Variants in DYSF observed in about 807,000 individuals in gnomAD.
The protein encoded by DYSF is dysferlin.
A neutral mutation model predicts 274.9 loss-of-function variants in DYSF; 212 were observed. The observed-to-expected ratio is 0.77, with a 90% CI of 0.69 to 0.86. The LOEUF is 0.86. Among genes scored for constraint, DYSF ranks in the 40% least tolerant of loss-of-function variants. The probability of loss-of-function intolerance (pLI) is 0.00; values close to 1 mark genes in which losing one functional copy is unlikely to be tolerated. For synonymous variants in DYSF, 1,091 were observed against 1,078.7 expected, an observed-to-expected ratio of 1.01 and a Z score of -0.22; for missense variants, 2,666 against 2,783.2, an observed-to-expected ratio of 0.96 and a Z score of 0.95.
chr2:71,642,303 C>T (rs868362400), intron 41 of DYSF, among the ~76,000 whole-genome samples: 1 of 152,258 alleles, frequency 6.6e-6, no homozygotes. Context: ...CCAGTATGTG[C>T]AGTTGTGTGT....
rs146153109 is a variant in DYSF at position 71,568,028 on chromosome 2, T to G, written c.2643T>G (p.Asp881Glu). The change falls in exon 25 of 56, where the codon GAT (aspartate) becomes GAG (glutamate). Residue 881 changes from aspartate (D) to glutamate (E), a missense_variant. Transcript: ENST00000410020. ...RVKLWFGLSV[D>E]EKEFNQFAEG... The stretch of plus-strand genomic sequence containing the variant: ...AGCTGTGGTTTGGGCTCTCAGTGGA[T>G]GAGAAGGAGTTCAACCAGTTTGCTG... The G allele has an allele frequency of 3.7e-6, 6 of 1,614,134 alleles. No individual in the cohort carries two copies. In the African/African-American group the frequency reaches 8.0e-5, roughly 22 times the overall value.
chr2:71,626,361 C>T (rs907620696), intron 41 of DYSF, among the ~76,000 whole-genome samples: 9 of 150,990 alleles, frequency 6.0e-5, no homozygotes, highest in African/African-American at 1.9e-4. Flanking sequence ...AAGTATCCAT[C>T]GAAGTGATCA....
At chr2:71,662,190 G>C (rs2094892864) in intron 45 of DYSF, among the ~76,000 whole-genome samples, 1 of 152,234 alleles carries the variant, frequency 6.6e-6, no homozygotes, top group African/African-American at 2.4e-5. Flanking sequence ...CCATGTGTCA[G>C]ACGAACACAA....
At chr2:71,680,836 T>C (rs1346823771) in intron 53 of DYSF, among the ~76,000 whole-genome samples, 165 bp from the exon 54 acceptor site, 1 of 152,202 alleles carries the variant, frequency 6.6e-6, no homozygotes, top group East Asian at 1.9e-4. Context: ...ATTTCTGAAG[T>C]TTCCAAATGT....
chr2:71,516,861 G>C (rs2086709533), intron 9 of DYSF, 128 bp from the exon 10 acceptor site: 2 of 886,836 alleles, frequency 2.3e-6, no homozygotes, highest in Non-Finnish European at 3.8e-6. Context: ...ACACTGCTTA[G>C]AACAGTCTCT....
chr2:71,614,550 A>C (rs1035384035), intron 40 of DYSF, among the ~76,000 whole-genome samples: 3 of 151,848 alleles, frequency 2.0e-5, no homozygotes, highest in African/African-American at 7.3e-5. Flanking sequence ...TCTTTGGGGG[A>C]GTCTTTCCTG....
intron 4 of DYSF, among the ~76,000 whole-genome samples, chr2:71,510,580 C>T (rs2085988616): frequency 6.6e-6 from 1 of 152,180 alleles, no homozygotes; most frequent in South Asian, 2.1e-4. Flanking sequence ...CTTAGTGTGG[C>T]TGTCCCCAGG....
Position 71,644,809 on chromosome 2 carries a change from G to A in DYSF, c.4626+746G>A, listed in dbSNP as rs574650803. ...AGGGTTGCCAGTTAAAATTCAGGAT[G>A]CCCAGTCACATTTGAATTTCAGATG... On this transcript the variant is annotated intron_variant, in intron 42 of 55. Coordinates refer to ENST00000410020, the MANE Select transcript of DYSF (RefSeq NM_001130987.2). 2.1e-3 allele frequency among the ~76,000 whole-genome samples: 320 copies of A among 152,320 alleles called. 1 individual carries two copies. The highest frequency in any genetic ancestry group is 2.2e-3 in the Admixed American group (34 of 15,310).
chr2:71,636,883 G>T (rs1024369849), intron 41 of DYSF, among the ~76,000 whole-genome samples: 5 of 152,126 alleles, frequency 3.3e-5, no homozygotes, highest in Non-Finnish European at 7.4e-5. Context: ...GGACAGCACT[G>T]TGGTGCTCTG....
chr2:71,675,018 C>A (rs1237660660), intron 52 of DYSF, among the ~76,000 whole-genome samples: 1 of 152,120 alleles, frequency 6.6e-6, no homozygotes. Context: ...TGTAGGTGAA[C>A]CTGAAAACAT....
intron 14 of DYSF, 91 bp downstream of exon 14, chr2:71,528,492 T>A: frequency 4.6e-6 from 5 of 1,079,256 alleles, no homozygotes; most frequent in Non-Finnish European, 7.0e-6. Context: ...CAGAGTGAGA[T>A]GCCCCCACCA....
intron 21 of DYSF, among the ~76,000 whole-genome samples, 200 bp from the exon 22 acceptor site, chr2:71,555,765 G>C (rs2091291719): frequency 6.6e-6 from 1 of 152,208 alleles, no homozygotes; most frequent in Non-Finnish European, 1.5e-5. Context: ...CATGAGACTG[G>C]ATGTATTTGG....
At chr2:71,619,232 T>C (rs922050699) in intron 40 of DYSF, among the ~76,000 whole-genome samples, 15 of 152,106 alleles carry the variant, frequency 9.9e-5, no homozygotes, top group Admixed American at 2.0e-4. Context: ...GGCCCGTCTC[T>C]GGCCAGCTAG....
intron 42 of DYSF, among the ~76,000 whole-genome samples, chr2:71,653,361 G>A (rs1233580368): frequency 2.6e-5 from 4 of 151,964 alleles, no homozygotes; most frequent in Non-Finnish European, 4.4e-5. Context: ...ACATGCACAC[G>A]TATGTTTATT....
Position 71,669,161 on chromosome 2 carries a change from G to A in DYSF, c.5596G>A (p.Asp1866Asn), listed in dbSNP as rs371397113. The A allele has an allele frequency of 1.2e-6, 2 of 1,610,644 alleles. No homozygotes were observed. Among genetic ancestry groups the A allele is most frequent in the African/African-American group, 2.7e-5 (2 of 74,910 alleles). Reference protein sequence around the residue: ...IWNTRDVILDDLSLTGEKMSD... With the variant: ...IWNTRDVILDNLSLTGEKMSD... ...GAATACCAGAGATGTGATCCTGGAT[G>A]ACCTGAGCCTCACGGGGGAGAAGAT... Residue 1866 changes from aspartate (D) to asparagine (N), a missense_variant, in exon 50 of 56, where the codon GAC becomes AAC. By Grantham distance (23) the Asp-to-Asn change is conservative (BLOSUM62 1). Around this residue, in one of 3 missense-constraint regions of DYSF, gnomAD observed 1,460 missense variants for 1,502.1 expected, o/e 0.97. Coordinates refer to ENST00000410020, the MANE Select transcript of DYSF (RefSeq NM_001130987.2).
chr2:71,454,639 C>T (rs980408262), intron 1 of DYSF, among the ~76,000 whole-genome samples: 1 of 152,188 alleles, frequency 6.6e-6, no homozygotes, highest in African/African-American at 2.4e-5. Flanking sequence ...GCACAGCTGT[C>T]ACAGCACCAA....
At position 71,535,437 on chromosome 2, in the gene DYSF, C is replaced by T. The variant is rs1573812263; in HGVS notation, c.1493+126C>T. 4.3e-5 allele frequency: 44 copies of T among 1,029,308 alleles called. No homozygotes were observed. The South Asian group carries it at 4.9e-4, about 12-fold the overall frequency. The allele number at this position is 1,029,308 out of a possible 1,614,324, so 63.8% of individuals were successfully genotyped here. On this transcript the variant is annotated intron_variant, in intron 16 of 55. Coordinates refer to ENST00000410020, the MANE Select transcript of DYSF (RefSeq NM_001130987.2). Reference sequence around the variant, plus strand: ...GAGAAGTTTCAGGTGAGGTAATGTCCCCTTGGGGTAGCCAGGGATGGAGAG... The same window carrying T: ...GAGAAGTTTCAGGTGAGGTAATGTCTCCTTGGGGTAGCCAGGGATGGAGAG...
chr2:71,642,424 A>G (rs573032084), intron 41 of DYSF, among the ~76,000 whole-genome samples: 39 of 152,308 alleles, frequency 2.6e-4, no homozygotes, highest in South Asian at 1.2e-3. Context: ...GTATGTCTGT[A>G]TATGTGTGTC....
At chr2:71,459,768 T>C (rs185126016) in intron 1 of DYSF, among the ~76,000 whole-genome samples, 2 of 152,174 alleles carry the variant, frequency 1.3e-5, no homozygotes, top group Non-Finnish European at 2.9e-5. Context: ...CTGGGCTCTC[T>C]GGAGGGCAGA....
Sources: allele counts gnomAD v4.1 joint callset (sites outside exome capture counted in the v4.1 genomes callset), GRCh38; gene constraint gnomAD v4.1.1; regional missense constraint gnomAD v4.1.1; transcripts MANE v1.5; gene names NCBI Gene and HGNC (gene_info 2026-07-23, HGNC 2026-07-21).